The following C12orf42 variants were observed in gnomAD, a reference collection of about 807,000 sequenced individuals.
C12orf42 encodes uncharacterized protein C12orf42.
In C12orf42, 25 loss-of-function variants were observed where a neutral mutation model predicts 21.6. That is an observed-to-expected ratio of 1.16 (90% CI 0.84 to 1.62). C12orf42 has a LOEUF of 1.62. Ranked by LOEUF, C12orf42 falls within the 40% of genes most tolerant of loss-of-function variation. The pLI, the probability that C12orf42 is intolerant of heterozygous loss-of-function variation, is 0.00. For synonymous variants in C12orf42, 174 were observed against 175.0 expected, an observed-to-expected ratio of 0.99 and a Z score of 0.05; for missense variants, 483 against 459.3, an observed-to-expected ratio of 1.05 and a Z score of -0.47.
the C12orf42 span, among the ~76,000 whole-genome samples, chr12:103,054,625 G>A: frequency 6.6e-6 from 1 of 151,778 alleles, no homozygotes; most frequent in South Asian, 2.1e-4. Flanking sequence ...GAACAAGAGT[G>A]GTGAAAGCAG....
chr12:103,409,948 T>C (rs2048706362), intron 2 of C12orf42, among the ~76,000 whole-genome samples: 1 of 152,180 alleles, frequency 6.6e-6, no homozygotes, highest in African/African-American at 2.4e-5. Context: ...TTATTTAGAG[T>C]CTTGAATGTC....
At chr12:103,499,816 T>A (rs1955674583), upstream of C12orf42, among the ~76,000 whole-genome samples, 1 of 152,216 alleles carries the variant, frequency 6.6e-6, no homozygotes, top group Admixed American at 6.5e-5. Context: ...ATGAGTCATC[T>A]TTGAACTTTA....
At chr12:103,416,197 T>C (rs1412437850) in intron 2 of C12orf42, among the ~76,000 whole-genome samples, 1 of 150,442 alleles carries the variant, frequency 6.6e-6, no homozygotes, top group Non-Finnish European at 1.5e-5. Flanking sequence ...TTTCATAAAA[T>C]AATGCAAAAA....
chr12:103,300,601 CA>C (rs1454148946), downstream of C12orf42, among the ~76,000 whole-genome samples: 6 of 152,194 alleles, frequency 3.9e-5, no homozygotes, highest in African/African-American at 1.4e-4. Context: ...TTGACCATTA[CA>C]AATTTTTGGT....
chr12:103,135,528 G>A, the C12orf42 span, among the ~76,000 whole-genome samples: 1 of 151,958 alleles, frequency 6.6e-6, no homozygotes, highest in African/African-American at 2.4e-5. Flanking sequence ...TTACCACAGT[G>A]ATTAACAATG....
chr12:103,553,471 G>T, the C12orf42 span, among the ~76,000 whole-genome samples: 2 of 152,104 alleles, frequency 1.3e-5, no homozygotes, highest in South Asian at 4.1e-4. Context: ...TTCCAGAAAA[G>T]ATTTTTCCCA....
chr12:103,406,736 G>A (rs147121801), intron 2 of C12orf42, among the ~76,000 whole-genome samples: 1 of 152,250 alleles, frequency 6.6e-6, no homozygotes, highest in African/African-American at 2.4e-5. Flanking sequence ...GGTACCAGGG[G>A]AGCTCCTCTC....
At position 103,302,488 on chromosome 12, in the gene C12orf42, T is replaced by A; in HGVS notation, c.703A>T (p.Thr235Ser). Reference sequence around the variant, plus strand: ...TCGAGCTCTGTGTTACTCGGGCCGGTGCTCTGCAGAGCGCCGGGCGTCTGG... The same window carrying A: ...TCGAGCTCTGTGTTACTCGGGCCGGAGCTCTGCAGAGCGCCGGGCGTCTGG... ...RSQTPGALQS[T>S]GPSNTELEPE... Residue 235 changes from threonine to serine, a missense_variant, in exon 6 of 6, where the codon ACC becomes TCC. By Grantham distance (58) the Thr-to-Ser change is moderately conservative. Transcript: ENST00000548883. 6.2e-7 allele frequency: 1 copy of A among 1,613,334 alleles called. No individual in the cohort carries two copies. Among genetic ancestry groups the A allele is most frequent in the Non-Finnish European group, 8.5e-7 (1 of 1,179,714 alleles).
At chr12:103,531,204 G>A in the C12orf42 span, among the ~76,000 whole-genome samples, 3 of 152,176 alleles carry the variant, frequency 2.0e-5, no homozygotes, top group Admixed American at 6.5e-5. Flanking sequence ...CCCCACAAGA[G>A]AGTTTCTTGA....
the C12orf42 span, among the ~76,000 whole-genome samples, chr12:103,552,282 T>G: frequency 1.3e-5 from 2 of 152,232 alleles, no homozygotes; most frequent in African/African-American, 4.8e-5. Flanking sequence ...GTAACCTCAC[T>G]TTGATATAAG....
Position 103,306,051 on chromosome 12 carries a change from A to G in C12orf42, c.554T>C (p.Leu185Pro). 1.2e-6 allele frequency: 2 copies of G among 1,613,994 alleles called. No homozygotes were observed. Among genetic ancestry groups the G allele is most frequent in the Non-Finnish European group, 1.7e-6 (2 of 1,179,852 alleles). The change falls in exon 5 of 6, where the codon CTG becomes CCG. Residue 185 changes from leucine to proline, a missense_variant. Transcript: ENST00000548883. ...NWAHSVNPVH[L>P]EAQGIHISRH... Reference sequence around the variant, plus strand: ...ACTGATGTGTATGCCCTGAGCCTCCAGGTGAACAGGATTTACTGAGTGTGC... The same window carrying G: ...ACTGATGTGTATGCCCTGAGCCTCCGGGTGAACAGGATTTACTGAGTGTGC...
chr12:103,332,320 C>T (rs1356628264), intron 4 of C12orf42, among the ~76,000 whole-genome samples: 1 of 152,186 alleles, frequency 6.6e-6, no homozygotes, highest in Non-Finnish European at 1.5e-5. Context: ...AGCACACTCA[C>T]CATGTAAATT....
At chr12:103,303,100 T>G (rs2037900372) in intron 5 of C12orf42, among the ~76,000 whole-genome samples, 1 of 152,200 alleles carries the variant, frequency 6.6e-6, no homozygotes, top group East Asian at 1.9e-4. Flanking sequence ...AACAGTAAAT[T>G]AACCTAAGAC....
intron 4 of C12orf42, among the ~76,000 whole-genome samples, chr12:103,279,789 TC>T (rs1593270542): frequency 2.6e-5 from 4 of 152,294 alleles, no homozygotes. Context: ...TCCAGCTTTC[TC>T]TCTCTCGTGT....
At chr12:103,196,823 G>C in the C12orf42 span, among the ~76,000 whole-genome samples, 1 of 152,108 alleles carries the variant, frequency 6.6e-6, no homozygotes, top group African/African-American at 2.4e-5. Context: ...GAATGTGAGA[G>C]GGTCTCATGA....
At chr12:103,497,807 G>A (rs546944603), upstream of C12orf42, among the ~76,000 whole-genome samples, 33 of 152,222 alleles carry the variant, frequency 2.2e-4, no homozygotes, top group African/African-American at 6.7e-4. Flanking sequence ...CGAGGCAGGC[G>A]GATCACTAGG....
chr12:103,103,609 A>G, the C12orf42 span, among the ~76,000 whole-genome samples: 830 of 152,302 alleles, frequency 5.4e-3, 9 homozygotes, highest in African/African-American at 0.019. Flanking sequence ...CATCAGAAGG[A>G]AGATATTTTG....
the C12orf42 span, among the ~76,000 whole-genome samples, chr12:103,062,119 A>G: frequency 1.3e-5 from 2 of 151,904 alleles, no homozygotes; most frequent in Non-Finnish European, 2.9e-5. Flanking sequence ...TTAGTATTCC[A>G]TTAGCCAATC....
intron 2 of C12orf42, among the ~76,000 whole-genome samples, chr12:103,452,433 G>A (rs186565336): frequency 1.2e-4 from 19 of 152,164 alleles, no homozygotes; most frequent in East Asian, 7.7e-4. Context: ...TCCACCTCTC[G>A]ATAGGAGAAG....
Sources: allele counts gnomAD v4.1 joint callset (sites outside exome capture counted in the v4.1 genomes callset), GRCh38; gene constraint gnomAD v4.1.1; transcripts MANE v1.5; gene names NCBI Gene and HGNC (gene_info 2026-07-23, HGNC 2026-07-21).